The following GABARAPL1 variants were observed in gnomAD, a reference collection of about 807,000 sequenced individuals.
GABARAPL1 encodes GABA type A receptor associated protein like 1.
A neutral mutation model predicts 14.5 loss-of-function variants in GABARAPL1; 4 were observed. That is an observed-to-expected ratio of 0.28 (90% CI 0.14 to 0.63). The LOEUF (loss-of-function observed/expected upper bound fraction) is 0.63. Among genes scored for constraint, GABARAPL1 ranks in the 30% least tolerant of loss-of-function variants. GABARAPL1 has a pLI of 0.84. For synonymous variants in GABARAPL1, 47 were observed against 50.6 expected, an observed-to-expected ratio of 0.93 and a Z score of 0.30; for missense variants, 82 against 139.2, an observed-to-expected ratio of 0.59 and a Z score of 2.07.
rs1213765684 is a variant in GABARAPL1, at chr12:10,222,629, T to C, written c.*777T>C. On this transcript the variant is annotated 3_prime_UTR_variant, in exon 4 of 4. Transcript: ENST00000266458. ...ATCTCACCCCTTCCTTGGAATTTAA[T>C]AAGTCTCAGGCATTTCCAATTGTAG... The C allele has an allele frequency of 6.6e-6, 1 of 152,320 alleles. No homozygotes were observed. The highest frequency in any genetic ancestry group is 1.5e-5 in the Non-Finnish European group (1 of 68,112). The allele number at this position is 152,320 out of a possible 1,614,324, so 9.4% of individuals were successfully genotyped here.
Position 10,213,295 on chromosome 12 carries a change from C to T in GABARAPL1, c.90+76C>T, listed in dbSNP as rs758123862. ...GGGGCGGGTAGTCGAGATGGCTTCCCTGGGGCGCCCAGGCGGCTCTGGAGA... is the reference window on the plus strand; with the variant it reads ...GGGGCGGGTAGTCGAGATGGCTTCCTTGGGGCGCCCAGGCGGCTCTGGAGA... On this transcript the variant is annotated intron_variant, in intron 1 of 3. Coordinates refer to ENST00000266458, the MANE Select transcript of GABARAPL1 (RefSeq NM_031412.4). 11 of 884,548 alleles carry T rather than the reference C, an allele frequency of 1.2e-5. No homozygotes were observed. In the South Asian group the frequency reaches 1.3e-4, roughly 10 times the overall value. 54.8% of individuals were successfully genotyped at this position (884,548 alleles called of 1,614,324 possible).
In GABARAPL1 at chr12:10,218,053, C is replaced by T. The variant is rs757121848; in HGVS notation, c.91-10C>T. On this transcript the variant is annotated splice_polypyrimidine_tract_variant and intron_variant, in intron 1 of 3. Coordinates refer to ENST00000266458, the MANE Select transcript of GABARAPL1 (RefSeq NM_031412.4). ...TAGTTTTCATTCCTACTCTCCTCCTCTTCTTCCAGGTGATTGTAGAGAAGG... is the reference window on the plus strand; with the variant it reads ...TAGTTTTCATTCCTACTCTCCTCCTTTTCTTCCAGGTGATTGTAGAGAAGG... 6.4e-7 allele frequency: 1 copy of T among 1,562,014 alleles called. No homozygotes were observed. The highest frequency in any genetic ancestry group is 1.7e-5 in the Admixed American group (1 of 59,936).
intron 3 of GABARAPL1, 172 bp downstream of exon 3, chr12:10,220,730 T>C: frequency 6.6e-7 from 1 of 1,524,486 alleles, no homozygotes; most frequent in South Asian, 1.2e-5. Context: ...ATACCTCTTG[T>C]TTTTTAGGGA....
Position 10,223,052 on chromosome 12 carries a change from C to G in GABARAPL1, c.*1200C>G, listed in dbSNP as rs1333784808. 4 of 152,588 alleles carry G rather than the reference C, an allele frequency of 2.6e-5. No homozygotes were observed. The highest frequency in any genetic ancestry group is 9.7e-5 in the African/African-American group (4 of 41,432). The allele number at this position is 152,588 out of a possible 1,614,324, so 9.5% of individuals were successfully genotyped here. On this transcript the variant is annotated 3_prime_UTR_variant, in exon 4 of 4. Transcript: ENST00000266458. ...CTTGGGGGAAATGTGTGTGTCAGTTCTGTCAGCTGCAAGTTCTTGTATAAT... is the reference window on the plus strand; with the variant it reads ...CTTGGGGGAAATGTGTGTGTCAGTTGTGTCAGCTGCAAGTTCTTGTATAAT...
intron 2 of GABARAPL1, among the ~76,000 whole-genome samples, chr12:10,218,453 G>T (rs1358277779): frequency 1.3e-5 from 2 of 151,922 alleles, no homozygotes; most frequent in Admixed American, 1.3e-4. Flanking sequence ...GGTGCCTGTA[G>T]TCCCAGCTAC....
intron 2 of GABARAPL1, 121 bp downstream of exon 2, chr12:10,218,262 T>C (rs1351484909): frequency 5.6e-6 from 4 of 708,162 alleles, no homozygotes. Context: ...AGTGGGATGC[T>C]CTGGAGTTAT....
chr12:10,219,802 G>A (rs922910199), intron 2 of GABARAPL1, among the ~76,000 whole-genome samples: 12 of 148,562 alleles, frequency 8.1e-5, no homozygotes, highest in Non-Finnish European at 1.5e-4. Flanking sequence ...ACTCTGTCTC[G>A]GAAAAAAAAA....
rs773988930 is a variant in GABARAPL1, at chr12:10,221,995, G to A, written c.*143G>A. The A allele has an allele frequency of 2.6e-5, 18 of 685,018 alleles. No individual in the cohort carries two copies. The highest frequency in any genetic ancestry group is 4.6e-5 in the Non-Finnish European group (18 of 390,786). 42.4% of individuals were successfully genotyped at this position (685,018 alleles called of 1,614,324 possible). On this transcript the variant is annotated 3_prime_UTR_variant, in exon 4 of 4. Transcript: ENST00000266458. Reference sequence around the variant, plus strand: ...CTAGAAACATTACACCACACACACCGTCATCACATTTTCACATGCTCAATT... The same window carrying A: ...CTAGAAACATTACACCACACACACCATCATCACATTTTCACATGCTCAATT...
intron 2 of GABARAPL1, among the ~76,000 whole-genome samples, chr12:10,219,435 T>C (rs1949108322): frequency 6.6e-6 from 1 of 152,214 alleles, no homozygotes; most frequent in South Asian, 2.1e-4. Flanking sequence ...TTTTAGAGTT[T>C]CCTGATTAAA....
intron 1 of GABARAPL1, among the ~76,000 whole-genome samples, chr12:10,216,929 CT>C (rs944417001): frequency 2.0e-5 from 3 of 152,006 alleles, no homozygotes; most frequent in African/African-American, 7.3e-5. Context: ...TTAAAAATAT[CT>C]TTTAAATTTT....
At chr12:10,215,885 TTTTG>T (rs1287237123) in intron 1 of GABARAPL1, among the ~76,000 whole-genome samples, 3 of 86,660 alleles carry the variant, frequency 3.5e-5, no homozygotes, top group African/African-American at 6.5e-5. Flanking sequence ...TTTGTTTTGT[TTTTG>T]TTTTTGTTGT....
At position 10,212,914 on chromosome 12, in the gene GABARAPL1, A is replaced by G. The variant is rs990003494; in HGVS notation, c.-216A>G. On this transcript the variant is annotated 5_prime_UTR_variant, in exon 1 of 4. Coordinates refer to ENST00000266458, the MANE Select transcript of GABARAPL1 (RefSeq NM_031412.4). ...CCAGCTCTAGCGAAAAGCCGCCGGT[A>G]TTTCTCCATCTGGCTCTCCTCTACC... is the stretch of plus-strand genomic sequence containing the variant. 13 of 486,414 alleles carry G rather than the reference A, an allele frequency of 2.7e-5. No individual in the cohort carries two copies. The highest frequency in any genetic ancestry group is 2.2e-4 in the African/African-American group (11 of 49,330). 30.1% of individuals were successfully genotyped at this position (486,414 alleles called of 1,614,324 possible).
chr12:10,221,034 G>T, intron 3 of GABARAPL1: 1 of 985,332 alleles, frequency 1.0e-6, no homozygotes, highest in Middle Eastern at 5.2e-4. Context: ...GCCAACTGAA[G>T]GATTCTCCCC....
chr12:10,217,237 G>A (rs73264779), intron 1 of GABARAPL1, among the ~76,000 whole-genome samples: 3,848 of 152,066 alleles, frequency 0.025, 166 homozygotes, highest in African/African-American at 0.087. Context: ...TCATATTATA[G>A]GATATCATTG....
intron 1 of GABARAPL1, among the ~76,000 whole-genome samples, chr12:10,215,700 C>G (rs1010954617): frequency 1.3e-5 from 2 of 152,222 alleles, no homozygotes; most frequent in African/African-American, 4.8e-5. Context: ...TCTCTTACTG[C>G]TAGGTGTCCG....
chr12:10,220,518 C>G lies in GABARAPL1; in HGVS notation c.248C>G (p.Thr83Ser), dbSNP rs1261068854. 6.2e-7 allele frequency: 1 copy of G among 1,613,984 alleles called. No homozygotes were observed. The highest frequency in any genetic ancestry group is 2.2e-5 in the East Asian group (1 of 44,880). Residue 83 changes from threonine (T) to serine (S), a missense_variant, in exon 3 of 4, where the codon ACC (threonine) becomes AGC (serine). Physicochemically the swap from Thr to Ser is moderately conservative, Grantham distance 58. Coordinates refer to ENST00000266458, the MANE Select transcript of GABARAPL1 (RefSeq NM_031412.4). ...EDALFFFVNN[T>S]IPPTSATMGQ... The stretch of plus-strand genomic sequence containing the variant: ...GCCTTATTCTTCTTTGTCAACAACA[C>G]CATCCCTCCCACCAGTGCTACCATG...
chr12:10,213,525 C>T, intron 1 of GABARAPL1: 2 of 351,538 alleles, frequency 5.7e-6, no homozygotes, highest in South Asian at 2.3e-5. Flanking sequence ...GTGTGGGTTG[C>T]GGTGCACAAA....
At chr12:10,218,505 A>G (rs1445888884) in intron 2 of GABARAPL1, among the ~76,000 whole-genome samples, 1 of 151,858 alleles carries the variant, frequency 6.6e-6, no homozygotes, top group Non-Finnish European at 1.5e-5. Context: ...CCCGGGAGGC[A>G]GAGCTTGCAG....
chr12:10,217,116 A>G (rs140736616), intron 1 of GABARAPL1, among the ~76,000 whole-genome samples: 4 of 152,334 alleles, frequency 2.6e-5, no homozygotes, highest in African/African-American at 9.6e-5. Flanking sequence ...ATATTTTTAT[A>G]GATCTAGTAC....
Sources: gnomAD v4.1 joint callset for allele counts (sites outside exome capture counted in the v4.1 genomes callset) on GRCh38, gnomAD v4.1.1 for gene constraint, MANE v1.5 for transcripts, NCBI Gene and HGNC (gene_info 2026-07-23, HGNC 2026-07-21) for gene names.